The following XKR6 variants were observed in gnomAD, a reference collection of about 807,000 sequenced individuals.
XKR6 encodes XK related 6.
A neutral mutation model predicts 56.7 loss-of-function variants in XKR6; 22 were observed. That is an observed-to-expected ratio of 0.39 (90% CI 0.28 to 0.55). The LOEUF (loss-of-function observed/expected upper bound fraction) is 0.55, where lower values mean the gene tolerates loss of function less well. XKR6 is among the 20% of genes least tolerant of loss of function. The probability of loss-of-function intolerance (pLI) is 0.66; values close to 1 mark genes in which losing one functional copy is unlikely to be tolerated. For synonymous variants in XKR6, 524 were observed against 387.8 expected, an observed-to-expected ratio of 1.35 and a Z score of -4.13; for missense variants, 852 against 889.0, an observed-to-expected ratio of 0.96 and a Z score of 0.53.
At chr8:11,007,532 T>C (rs1265216030) in intron 1 of XKR6, among the ~76,000 whole-genome samples, 2 of 152,006 alleles carry the variant, frequency 1.3e-5, no homozygotes, top group Admixed American at 1.3e-4. Context: ...TCCATTCATC[T>C]CTCCTCATCA....
chr8:11,120,239 T>C (rs1446005997), intron 1 of XKR6, among the ~76,000 whole-genome samples: 2 of 152,140 alleles, frequency 1.3e-5, no homozygotes, highest in Admixed American at 1.3e-4. Context: ...AAAGAGGAAG[T>C]CAAATTGTCC....
At chr8:11,100,225 C>T (rs962335512) in intron 1 of XKR6, among the ~76,000 whole-genome samples, 4 of 151,998 alleles carry the variant, frequency 2.6e-5, no homozygotes, top group East Asian at 1.9e-4. Context: ...GCTAATTTTC[C>T]GTATTTTTTG....
chr8:10,972,093 C>T (rs772752810), intron 1 of XKR6, among the ~76,000 whole-genome samples: 10 of 152,156 alleles, frequency 6.6e-5, no homozygotes, highest in African/African-American at 1.2e-4. Flanking sequence ...GAGTGCCAAT[C>T]GCCTCTGGCT....
chr8:11,188,091 A>C (rs540554074), intron 1 of XKR6, among the ~76,000 whole-genome samples: 1 of 152,184 alleles, frequency 6.6e-6, no homozygotes, highest in East Asian at 1.9e-4. Flanking sequence ...GTTTTTCAGG[A>C]ATGTGTGTAT....
chr8:11,128,828 G>A (rs947309509), intron 1 of XKR6: 3 of 456,722 alleles, frequency 6.6e-6, no homozygotes, highest in Non-Finnish European at 1.3e-5. Context: ...TCCAGAATCT[G>A]ATCACCTTAC....
intron 1 of XKR6, among the ~76,000 whole-genome samples, chr8:11,197,797 G>T (rs1158492406): frequency 6.6e-6 from 1 of 152,178 alleles, no homozygotes; most frequent in Non-Finnish European, 1.5e-5. Context: ...TTGCCATCTT[G>T]ACAGGAATGG....
intron 2 of XKR6, among the ~76,000 whole-genome samples, chr8:10,912,743 TAG>T (rs1238146281): frequency 5.5e-5 from 8 of 144,590 alleles, no homozygotes; most frequent in African/African-American, 1.3e-4. Context: ...TGCACATATA[TAG>T]AGAGAGAGAG....
chr8:11,162,845 T>C (rs1170641598), intron 1 of XKR6, among the ~76,000 whole-genome samples: 1 of 152,246 alleles, frequency 6.6e-6, no homozygotes, highest in East Asian at 1.9e-4. Context: ...AACAGTGATG[T>C]CACCTCCAAT....
At chr8:11,106,860 A>T (rs148931427) in intron 1 of XKR6, among the ~76,000 whole-genome samples, 1,829 of 149,420 alleles carry the variant, frequency 0.012, 119 homozygotes, top group South Asian at 0.036. Flanking sequence ...CAAAAAAAAA[A>T]AAAAATAAAA....
At position 11,106,862 on chromosome 8, in the gene XKR6, A is replaced by AT. The variant is rs1554459718; in HGVS notation, c.764+93713_764+93714insA. Among the ~76,000 whole-genome samples the AT allele has an allele frequency of 8.7e-5, 13 of 149,978 alleles. 1 individual carries two copies. Among genetic ancestry groups the AT allele is most frequent in the Non-Finnish European group, 1.5e-4 (10 of 67,608 alleles). On this transcript the variant is annotated intron_variant, in intron 1 of 2. Coordinates refer to ENST00000416569, the MANE Select transcript of XKR6 (RefSeq NM_173683.4). ...TGAGACTTCATCTCAAAAAAAAAAAAAAATAAAAAAGATACAACGTTACAA... is the reference window on the plus strand; with the variant it reads ...TGAGACTTCATCTCAAAAAAAAAAAATAAATAAAAAAGATACAACGTTACAA...
intron 1 of XKR6, among the ~76,000 whole-genome samples, chr8:11,074,956 C>G (rs1251789284): frequency 6.6e-6 from 1 of 152,180 alleles, no homozygotes; most frequent in Admixed American, 6.5e-5. Flanking sequence ...TCTGCAGTGT[C>G]CCCATGGGGC....
At chr8:11,011,325 G>C (rs1355274032) in intron 1 of XKR6, among the ~76,000 whole-genome samples, 1 of 152,230 alleles carries the variant, frequency 6.6e-6, no homozygotes, top group Admixed American at 6.5e-5. Flanking sequence ...GGCCAGCAAG[G>C]CTTCCCGGGG....
chr8:11,176,515 G>T (rs931298066), intron 1 of XKR6, among the ~76,000 whole-genome samples: 1 of 152,110 alleles, frequency 6.6e-6, no homozygotes, highest in Non-Finnish European at 1.5e-5. Context: ...TGCAACGTTT[G>T]TATATATTTT....
chr8:11,033,556 A>G (rs1239980894), intron 1 of XKR6, among the ~76,000 whole-genome samples: 2 of 152,140 alleles, frequency 1.3e-5, no homozygotes, highest in African/African-American at 4.8e-5. Context: ...CACGATGACA[A>G]TGATGATTAT....
chr8:11,052,901 C>G (rs1428268648), intron 1 of XKR6, among the ~76,000 whole-genome samples: 1 of 152,220 alleles, frequency 6.6e-6, no homozygotes, highest in African/African-American at 2.4e-5. Context: ...TGCAGAAAGC[C>G]TTCTGGGCTG....
At chr8:10,949,441 C>T (rs899473101) in intron 1 of XKR6, among the ~76,000 whole-genome samples, 3 of 152,184 alleles carry the variant, frequency 2.0e-5, no homozygotes, top group African/African-American at 7.2e-5. Context: ...AGGGGCCAGC[C>T]GCACCACAGA....
At chr8:11,122,352 TG>T (rs1799498564) in intron 1 of XKR6, among the ~76,000 whole-genome samples, 1 of 152,222 alleles carries the variant, frequency 6.6e-6, no homozygotes, top group South Asian at 2.1e-4. Context: ...ATCTCATATT[TG>T]CCCCAAATCA....
At chr8:11,094,014 G>A (rs1419570542) in intron 1 of XKR6, among the ~76,000 whole-genome samples, 4 of 150,286 alleles carry the variant, frequency 2.7e-5, no homozygotes, top group African/African-American at 9.9e-5. Context: ...TCGATCTCCT[G>A]ACCTCATGAT....
chr8:11,132,002 T>C (rs1049469443), intron 1 of XKR6, among the ~76,000 whole-genome samples: 1 of 152,150 alleles, frequency 6.6e-6, no homozygotes, highest in African/African-American at 2.4e-5. Context: ...CCCCTAGTGC[T>C]GCTGGCCCGA....
Sources: allele counts gnomAD v4.1 joint callset (sites outside exome capture counted in the v4.1 genomes callset), GRCh38; gene constraint gnomAD v4.1.1; transcripts MANE v1.5; gene names NCBI Gene and HGNC (gene_info 2026-07-23, HGNC 2026-07-21).